The following XKR6 variants were observed in gnomAD, a reference collection of about 807,000 sequenced individuals.
The protein encoded by XKR6 is XK related 6.
XKR6 carries 22 observed loss-of-function variants against 56.7 expected under a neutral mutation model. The ratio of observed to expected loss-of-function variants is 0.39; its 90% confidence interval spans 0.28 to 0.55. The LOEUF (loss-of-function observed/expected upper bound fraction) is 0.55, where lower values mean the gene tolerates loss of function less well. Among genes scored for constraint, XKR6 ranks in the 20% least tolerant of loss-of-function variants. The probability of loss-of-function intolerance (pLI) is 0.66; values close to 1 mark genes in which losing one functional copy is unlikely to be tolerated. For synonymous variants in XKR6, 524 were observed against 387.8 expected, an observed-to-expected ratio of 1.35 and a Z score of -4.13; for missense variants, 852 against 889.0, an observed-to-expected ratio of 0.96 and a Z score of 0.53.
At chr8:11,172,922 C>T (rs973122484) in intron 1 of XKR6, among the ~76,000 whole-genome samples, 9 of 152,140 alleles carry the variant, frequency 5.9e-5, no homozygotes, top group African/African-American at 2.2e-4. Context: ...AGCGGCGACA[C>T]TGTTTCAAGT....
chr8:11,073,793 G>C (rs1800195194), intron 1 of XKR6, among the ~76,000 whole-genome samples: 1 of 152,146 alleles, frequency 6.6e-6, no homozygotes, highest in South Asian at 2.1e-4. Flanking sequence ...AGAGGGGCCA[G>C]TGAGAAACAA....
At chr8:10,945,887 C>T (rs1801522290) in intron 1 of XKR6, among the ~76,000 whole-genome samples, 1 of 152,106 alleles carries the variant, frequency 6.6e-6, no homozygotes, top group Admixed American at 6.5e-5. Context: ...TCCTCCCTTC[C>T]CTCTCCTGTC....
intron 1 of XKR6, among the ~76,000 whole-genome samples, chr8:11,187,081 T>C (rs1302129012): frequency 6.6e-6 from 1 of 152,248 alleles, no homozygotes; most frequent in African/African-American, 2.4e-5. Context: ...TTTTGTTTAC[T>C]GTAGCTCAGA....
At chr8:10,951,299 G>GT (rs762396240) in intron 1 of XKR6, among the ~76,000 whole-genome samples, 34,527 of 117,216 alleles carry the variant, frequency 0.29, 5,228 homozygotes, top group African/African-American at 0.48. Flanking sequence ...GTGTGTGTGT[G>GT]GGGGGGGGGG....
chr8:10,918,404 G>T (rs1800621961), intron 2 of XKR6, among the ~76,000 whole-genome samples: 1 of 152,160 alleles, frequency 6.6e-6, no homozygotes, highest in Non-Finnish European at 1.5e-5. Context: ...GACCATGTCA[G>T]TGTGATGGCA....
chr8:11,061,759 C>T (rs1334735122), intron 1 of XKR6, among the ~76,000 whole-genome samples: 7 of 152,158 alleles, frequency 4.6e-5, no homozygotes, highest in Non-Finnish European at 7.3e-5. Flanking sequence ...CCCATTAAAC[C>T]CACTTGGCCC....
At chr8:11,184,154 T>C (rs910884525) in intron 1 of XKR6, among the ~76,000 whole-genome samples, 32 of 152,172 alleles carry the variant, frequency 2.1e-4, no homozygotes, top group Admixed American at 1.1e-3. Flanking sequence ...TTTCAGAGTA[T>C]AGTTTTATTC....
chr8:11,130,198 T>A (rs1323208694), intron 1 of XKR6, among the ~76,000 whole-genome samples: 1 of 152,136 alleles, frequency 6.6e-6, no homozygotes. Flanking sequence ...TGTGTATGTA[T>A]TTAGGGTTAA....
At chr8:11,124,618 TAAG>T in intron 1 of XKR6, 1 of 152,572 alleles carries the variant, frequency 6.6e-6, no homozygotes, top group East Asian at 1.9e-4. Flanking sequence ...GAACAGAAAT[TAAG>T]AAGAAAAGAG....
chr8:11,027,864 T>C (rs1798904476), intron 1 of XKR6, among the ~76,000 whole-genome samples: 1 of 152,194 alleles, frequency 6.6e-6, no homozygotes, highest in Non-Finnish European at 1.5e-5. Flanking sequence ...TTACAGCCTT[T>C]GAGGCTGGGC....
At chr8:11,148,547 T>A (rs912207649) in intron 1 of XKR6, among the ~76,000 whole-genome samples, 1 of 152,248 alleles carries the variant, frequency 6.6e-6, no homozygotes, top group African/African-American at 2.4e-5. Context: ...AGAAAGGATA[T>A]GAAGCAACTG....
At chr8:10,946,705 G>T (rs1034915712) in intron 1 of XKR6, among the ~76,000 whole-genome samples, 1 of 152,054 alleles carries the variant, frequency 6.6e-6, no homozygotes, top group African/African-American at 2.4e-5. Flanking sequence ...TGCATGCCAG[G>T]CACTGGGGTA....
In XKR6 at chr8:10,896,578, C is replaced by T. The variant is rs1462929995; in HGVS notation, c.*1374G>A. 1 of 152,644 alleles carries T rather than the reference C, an allele frequency of 6.6e-6. No individual in the cohort carries two copies. Among genetic ancestry groups the T allele is most frequent in the Non-Finnish European group, 1.5e-5 (1 of 68,048 alleles). The allele number at this position is 152,644 out of a possible 1,614,324, so 9.5% of individuals were successfully genotyped here. A position where few individuals can be genotyped will look rare whatever the true frequency, so the allele number is the denominator to read the frequency against. On this transcript the variant is annotated 3_prime_UTR_variant, in exon 3 of 3. Coordinates refer to ENST00000416569, the MANE Select transcript of XKR6 (RefSeq NM_173683.4). ...ACACACACATACACACACAAACACA[C>T]ACATACTACACACACAAAATTTCCC...
chr8:11,192,347 C>T (rs1803629285), intron 1 of XKR6, among the ~76,000 whole-genome samples: 1 of 151,966 alleles, frequency 6.6e-6, no homozygotes, highest in Non-Finnish European at 1.5e-5. Flanking sequence ...TTAATAGAGA[C>T]ACCATGTTAG....
chr8:11,005,808 A>G (rs2129144353), intron 1 of XKR6, among the ~76,000 whole-genome samples: 1 of 151,172 alleles, frequency 6.6e-6, no homozygotes, highest in East Asian at 1.9e-4. Context: ...TTTGTATGAT[A>G]GACATATATA....
At chr8:11,021,324 G>C (rs145937814) in intron 1 of XKR6, among the ~76,000 whole-genome samples, 5 of 152,240 alleles carry the variant, frequency 3.3e-5, no homozygotes, top group Admixed American at 3.3e-4. Flanking sequence ...GTAGAACAAG[G>C]GGTACAGCTA....
intron 1 of XKR6, among the ~76,000 whole-genome samples, chr8:11,104,380 T>C (rs1292552726): frequency 6.6e-6 from 1 of 152,242 alleles, no homozygotes; most frequent in Non-Finnish European, 1.5e-5. Context: ...ATTTTCTCCT[T>C]GACACAGTAT....
rs1215040344 is a variant in XKR6 at position 10,975,827 on chromosome 8, C to T, written c.765-50997G>A. On this transcript the variant is annotated intron_variant, in intron 1 of 2. Coordinates refer to ENST00000416569, the MANE Select transcript of XKR6 (RefSeq NM_173683.4). ...GGGAGACTTGGGTTCAGATTCTGCT[C>T]TGACACTTGGTCAATTCACTCAATC... is the stretch of plus-strand genomic sequence containing the variant. 4.6e-5 allele frequency among the ~76,000 whole-genome samples: 7 copies of T among 152,210 alleles called. No homozygotes were observed. The East Asian group carries it at 5.8e-4, about 13-fold the overall frequency.
At chr8:11,155,012 CA>C (rs1801447328) in intron 1 of XKR6, among the ~76,000 whole-genome samples, 2 of 152,228 alleles carry the variant, frequency 1.3e-5, no homozygotes, top group Non-Finnish European at 2.9e-5. Context: ...AGCACAGCTT[CA>C]TATTATCCGA....
Sources: gnomAD v4.1 joint callset for allele counts (sites outside exome capture counted in the v4.1 genomes callset) on GRCh38, gnomAD v4.1.1 for gene constraint, MANE v1.5 for transcripts, NCBI Gene and HGNC (gene_info 2026-07-23, HGNC 2026-07-21) for gene names.